Variants in PRKG1 observed in about 807,000 individuals in gnomAD.
PRKG1 encodes the protein cGMP-dependent protein kinase 1.
A neutral mutation model predicts 88.1 loss-of-function variants in PRKG1; 35 were observed. The observed-to-expected ratio is 0.40, with a 90% CI of 0.30 to 0.53. PRKG1 has a LOEUF of 0.53. Among genes scored for constraint, PRKG1 ranks in the 20% least tolerant of loss-of-function variants. PRKG1 has a pLI of 0.59. For synonymous variants in PRKG1, 303 were observed against 292.5 expected, an observed-to-expected ratio of 1.04 and a Z score of -0.37; for missense variants, 540 against 839.8, an observed-to-expected ratio of 0.64 and a Z score of 4.41.
intron 4 of PRKG1, among the ~76,000 whole-genome samples, chr10:51,823,000 T>C (rs1446864441): frequency 6.6e-6 from 1 of 152,162 alleles, no homozygotes; most frequent in Non-Finnish European, 1.5e-5. Context: ...AATGCTAAGG[T>C]ATTATTTTCC....
At chr10:51,415,206 T>C (rs775005345) in intron 2 of PRKG1, among the ~76,000 whole-genome samples, 1 of 152,222 alleles carries the variant, frequency 6.6e-6, no homozygotes, top group Non-Finnish European at 1.5e-5. Context: ...AGTGAATACA[T>C]AGTATGTGCC....
chr10:52,167,860 C>G lies in PRKG1; in HGVS notation c.1076+5897C>G, dbSNP rs1180368765. 3.3e-5 allele frequency among the ~76,000 whole-genome samples: 5 copies of G among 152,158 alleles called. No homozygotes were observed. In the South Asian group the frequency reaches 1.0e-3, roughly 32 times the overall value. Reference sequence around the variant, plus strand: ...ATATGACTATAGATATGTAAATGCACTTAGTTTTTATCTAGATTGATAATA... The same window carrying G: ...ATATGACTATAGATATGTAAATGCAGTTAGTTTTTATCTAGATTGATAATA... On this transcript the variant is annotated intron_variant, in intron 9 of 17. Coordinates refer to ENST00000373980, the MANE Select transcript of PRKG1 (RefSeq NM_006258.4).
intron 2 of PRKG1, among the ~76,000 whole-genome samples, chr10:51,347,096 C>T (rs1008885470): frequency 2.0e-5 from 3 of 150,130 alleles, no homozygotes; most frequent in South Asian, 2.2e-4. Context: ...ACTGCGGCCA[C>T]ATGCTTCCCT....
At chr10:51,615,772 C>A (rs1469487941) in intron 3 of PRKG1, among the ~76,000 whole-genome samples, 1 of 151,684 alleles carries the variant, frequency 6.6e-6, no homozygotes, top group Non-Finnish European at 1.5e-5. Context: ...TCTCACCAAG[C>A]TTCTTTAAAA....
chr10:51,983,123 T>C (rs1022778884), intron 5 of PRKG1, among the ~76,000 whole-genome samples: 4 of 152,090 alleles, frequency 2.6e-5, no homozygotes, highest in African/African-American at 9.7e-5. Context: ...GTGCCTAGTG[T>C]AACTCCCACA....
rs560104840 is a variant in PRKG1, at chr10:51,888,086, AG to A, written c.699-19419del. Among the ~76,000 whole-genome samples the A allele has an allele frequency of 2.5e-3, 378 of 152,344 alleles. 6 individuals are homozygous for A. The highest frequency in any genetic ancestry group is 2.7e-3 in the Non-Finnish European group (186 of 68,036). ...CAAAAGAACACAAATAAATTATTGG[AG>A]GTGACTATATACTTAGTACCTTGGT... On this transcript the variant is annotated intron_variant, in intron 4 of 17. Transcript: ENST00000373980.
At chr10:51,869,326 ATCATAG>A (rs1564684966) in intron 4 of PRKG1, among the ~76,000 whole-genome samples, 3 of 152,098 alleles carry the variant, frequency 2.0e-5, no homozygotes, top group African/African-American at 7.2e-5. Flanking sequence ...TGCATTGTTT[ATCATAG>A]ACAAGAATTT....
intron 4 of PRKG1, among the ~76,000 whole-genome samples, chr10:51,897,997 C>T (rs1472069910): frequency 6.6e-6 from 1 of 152,068 alleles, no homozygotes; most frequent in Non-Finnish European, 1.5e-5. Flanking sequence ...CCTGACCCCA[C>T]CCTTACCTCT....
chr10:52,086,597 G>T (rs1846921447), intron 7 of PRKG1, among the ~76,000 whole-genome samples: 1 of 151,866 alleles, frequency 6.6e-6, no homozygotes, highest in South Asian at 2.1e-4. Context: ...TAGAGACAGG[G>T]TTTCACCGTG....
At chr10:51,307,481 C>T (rs879299518) in intron 2 of PRKG1, among the ~76,000 whole-genome samples, 4 of 152,108 alleles carry the variant, frequency 2.6e-5, no homozygotes, top group African/African-American at 7.2e-5. Flanking sequence ...TATTTCTGAT[C>T]GTGGTGGTGA....
intron 5 of PRKG1, among the ~76,000 whole-genome samples, chr10:51,969,330 A>G (rs551231038): frequency 6.6e-6 from 1 of 152,272 alleles, no homozygotes; most frequent in African/African-American, 2.4e-5. Context: ...GAGAAAGAAA[A>G]GGTGGAACTG....
chr10:51,472,348 G>A (rs10823056), intron 3 of PRKG1, among the ~76,000 whole-genome samples: 25,989 of 151,766 alleles, frequency 0.17, 2,672 homozygotes, highest in Non-Finnish European at 0.23. Flanking sequence ...GCTGACTGTC[G>A]AAAACCTAAA....
At chr10:51,002,556 C>G (rs551362192) in intron 1 of PRKG1, among the ~76,000 whole-genome samples, 1 of 152,176 alleles carries the variant, frequency 6.6e-6, no homozygotes, top group Non-Finnish European at 1.5e-5. Context: ...TTATACCACA[C>G]AGGGTTACAT....
intron 4 of PRKG1, among the ~76,000 whole-genome samples, chr10:51,826,422 T>C (rs1194395168): frequency 6.6e-6 from 1 of 152,194 alleles, no homozygotes; most frequent in Non-Finnish European, 1.5e-5. Context: ...AATCTTTCAC[T>C]TAAATGTAGC....
intron 4 of PRKG1, among the ~76,000 whole-genome samples, chr10:51,892,560 C>G (rs1841748494): frequency 6.6e-6 from 1 of 152,208 alleles, no homozygotes; most frequent in African/African-American, 2.4e-5. Flanking sequence ...ACTCAGTCAC[C>G]AGGGGTTTTG....
At chr10:52,186,583 C>A (rs1356483518) in intron 9 of PRKG1, among the ~76,000 whole-genome samples, 14 of 151,960 alleles carry the variant, frequency 9.2e-5, no homozygotes, top group Non-Finnish European at 1.6e-4. Context: ...TGAGGTTATT[C>A]TTTGTTGCGT....
intron 4 of PRKG1, among the ~76,000 whole-genome samples, chr10:51,829,805 A>G (rs1839960257): frequency 6.6e-6 from 1 of 152,142 alleles, no homozygotes; most frequent in Non-Finnish European, 1.5e-5. Context: ...TGGAATTTTT[A>G]TATTTAATAA....
intron 5 of PRKG1, among the ~76,000 whole-genome samples, chr10:51,933,099 A>G (rs1368624694): frequency 6.6e-6 from 1 of 152,252 alleles, no homozygotes; most frequent in East Asian, 1.9e-4. Context: ...TTCCAAGTAC[A>G]GATGCAAGAT....
rs74467973 is a variant in PRKG1 at position 51,262,994 on chromosome 10, G to A, written c.478+109664G>A. On this transcript the variant is annotated intron_variant, in intron 2 of 17. Coordinates refer to ENST00000373980, the MANE Select transcript of PRKG1 (RefSeq NM_006258.4). Reference sequence around the variant, plus strand: ...AGTCCTTGATCTTATTATTAATCTAGTGCTGTTATCAAGGATTCTTTCTTC... The same window carrying A: ...AGTCCTTGATCTTATTATTAATCTAATGCTGTTATCAAGGATTCTTTCTTC... 2.0e-4 allele frequency among the ~76,000 whole-genome samples: 30 copies of A among 152,178 alleles called. No homozygotes were observed. The East Asian group carries it at 5.6e-3, about 28-fold the overall frequency.
Sources: allele counts gnomAD v4.1 joint callset (sites outside exome capture counted in the v4.1 genomes callset), GRCh38; gene constraint gnomAD v4.1.1; transcripts MANE v1.5; gene names NCBI Gene and HGNC (gene_info 2026-07-23, HGNC 2026-07-21).